CPA6: variants seen among roughly 807,000 people sequenced by gnomAD.
The protein encoded by CPA6 is carboxypeptidase B.
Under a neutral mutation model 63.3 loss-of-function variants are expected in CPA6, and 58 were observed. The observed-to-expected ratio is 0.92, with a 90% CI of 0.74 to 1.14. CPA6 has a LOEUF of 1.14. CPA6 is among the 50% of genes most tolerant of loss of function. The pLI, the probability that CPA6 is intolerant of heterozygous loss-of-function variation, is 0.00. For synonymous variants in CPA6, 185 were observed against 179.0 expected (o/e 1.03, Z -0.27); for missense variants, 565 against 526.6 (o/e 1.07, Z -0.71).
Position 67,509,925 on chromosome 8 carries a change from T to C in CPA6, c.433-307A>G, listed in dbSNP as rs1563981020. 3.9e-5 allele frequency among the ~76,000 whole-genome samples: 6 copies of C among 152,212 alleles called. No homozygotes were observed. The South Asian group carries it at 1.0e-3, about 26-fold the overall frequency. ...ATTTTTATAAAAAATTGATGTGTTC[T>C]AGTTTTTTTGAAAATCAGAATTTAT... On this transcript the variant is annotated intron_variant, in intron 4 of 10. Coordinates refer to ENST00000297770, the MANE Select transcript of CPA6 (RefSeq NM_020361.5).
At chr8:67,607,526 C>A (rs1383851712) in intron 2 of CPA6, among the ~76,000 whole-genome samples, 1 of 151,870 alleles carries the variant, frequency 6.6e-6, no homozygotes, top group East Asian at 1.9e-4. Context: ...TTTCAGACCC[C>A]AGATTCCTTT....
intron 1 of CPA6, among the ~76,000 whole-genome samples, chr8:67,668,750 G>A (rs1227781925): frequency 6.6e-6 from 1 of 152,092 alleles, no homozygotes; most frequent in African/African-American, 2.4e-5. Flanking sequence ...CTATGTATTA[G>A]GTATGCAAAA....
intron 8 of CPA6, among the ~76,000 whole-genome samples, chr8:67,466,749 C>T (rs61577215): frequency 0.032 from 4,833 of 152,188 alleles, 237 homozygotes; most frequent in African/African-American, 0.11. Flanking sequence ...TGGTTAATTT[C>T]CATGTGACTG....
intron 1 of CPA6, among the ~76,000 whole-genome samples, chr8:67,630,960 G>A (rs1430909632): frequency 6.6e-6 from 1 of 152,210 alleles, no homozygotes; most frequent in African/African-American, 2.4e-5. Flanking sequence ...CTGCCTCCCC[G>A]AGGGGCAGGG....
intron 3 of CPA6, among the ~76,000 whole-genome samples, chr8:67,512,914 G>A (rs925546469): frequency 6.6e-6 from 1 of 152,082 alleles, no homozygotes; most frequent in Non-Finnish European, 1.5e-5. Flanking sequence ...TCCATTCTAT[G>A]AAGAAAGTAA....
chr8:67,688,644 A>G (rs915970400), intron 1 of CPA6, among the ~76,000 whole-genome samples: 12 of 152,174 alleles, frequency 7.9e-5, no homozygotes, highest in Non-Finnish European at 1.6e-4. Context: ...GAATGCCCCA[A>G]TCTTAAAGTT....
intron 5 of CPA6, among the ~76,000 whole-genome samples, chr8:67,507,522 C>G (rs1405589527): frequency 6.6e-6 from 1 of 152,008 alleles, no homozygotes; most frequent in African/African-American, 2.4e-5. Context: ...AATAGGAGAT[C>G]CTGACATTAT....
intron 8 of CPA6, among the ~76,000 whole-genome samples, chr8:67,458,157 A>G (rs371913195): frequency 1.3e-5 from 2 of 152,290 alleles, no homozygotes; most frequent in East Asian, 3.9e-4. Context: ...CATAGAAAAT[A>G]ACATAGCAGA....
intron 1 of CPA6, among the ~76,000 whole-genome samples, chr8:67,692,918 T>C (rs1266511735): frequency 6.6e-6 from 1 of 152,188 alleles, no homozygotes; most frequent in Non-Finnish European, 1.5e-5. Flanking sequence ...CTACGAGTCA[T>C]ACCCATTAGC....
chr8:67,592,424 C>T (rs1278308879), intron 2 of CPA6, among the ~76,000 whole-genome samples: 2 of 151,996 alleles, frequency 1.3e-5, no homozygotes, highest in Non-Finnish European at 2.9e-5. Flanking sequence ...GGAGGATTCC[C>T]TCTTTTTCTA....
chr8:67,594,675 C>T (rs371108274), intron 2 of CPA6, among the ~76,000 whole-genome samples: 3,458 of 152,306 alleles, frequency 0.023, 67 homozygotes, highest in African/African-American at 0.052. Flanking sequence ...ATCGCATTGG[C>T]TCCTGAGGCT....
intron 1 of CPA6, among the ~76,000 whole-genome samples, chr8:67,680,804 A>C (rs1816574793): frequency 6.6e-6 from 1 of 152,150 alleles, no homozygotes; most frequent in South Asian, 2.1e-4. Context: ...CAGTTACCCA[A>C]AGTCCAAAGC....
At chr8:67,697,403 C>A (rs1053981623) in intron 1 of CPA6, among the ~76,000 whole-genome samples, 1 of 152,166 alleles carries the variant, frequency 6.6e-6, no homozygotes, top group African/African-American at 2.4e-5. Context: ...CTTTCCCACT[C>A]AATAGTCATA....
intron 8 of CPA6, among the ~76,000 whole-genome samples, chr8:67,435,663 CCTGT>C (rs1211938124): frequency 6.6e-6 from 1 of 151,582 alleles, no homozygotes; most frequent in African/African-American, 2.4e-5. Context: ...TGTCTGTCTG[CCTGT>C]CTCTCTCCTC....
intron 8 of CPA6, among the ~76,000 whole-genome samples, chr8:67,474,950 C>T (rs1811141653): frequency 6.6e-6 from 1 of 152,130 alleles, no homozygotes; most frequent in South Asian, 2.1e-4. Context: ...GCCATGATTA[C>T]ACCACTGCAC....
rs1195620414 is a variant in CPA6 at position 67,475,767 on chromosome 8, C to CTT, written c.838+8000_838+8001insAA. Among the ~76,000 whole-genome samples, 200 of 71,700 alleles carry CTT rather than the reference C, an allele frequency of 2.8e-3. 4 individuals carry two copies. Among genetic ancestry groups the CTT allele is most frequent in the Admixed American group, 4.7e-3 (29 of 6,154 alleles). 47.0% of individuals were successfully genotyped at this position (71,700 alleles called of 152,430 possible). ...TCCTTCTTTCTTTTTTTCTTTCTTT[C>CTT]TCTTTCTTTCTTTCTTTCTTTCTTT... On this transcript the variant is annotated intron_variant, in intron 8 of 10. Coordinates refer to ENST00000297770, the MANE Select transcript of CPA6 (RefSeq NM_020361.5).
At chr8:67,501,983 C>T (rs971798506) in intron 6 of CPA6, among the ~76,000 whole-genome samples, 2 of 152,190 alleles carry the variant, frequency 1.3e-5, no homozygotes, top group African/African-American at 4.8e-5. Context: ...TGTTGTTCAA[C>T]TAATTGGTTC....
intron 8 of CPA6, among the ~76,000 whole-genome samples, chr8:67,441,290 CCTGA>C (rs1437684972): frequency 1.1e-4 from 16 of 152,160 alleles, no homozygotes; most frequent in Non-Finnish European, 1.3e-4. Flanking sequence ...TTAAAGAATG[CCTGA>C]CTATTAGAAA....
intron 8 of CPA6, among the ~76,000 whole-genome samples, chr8:67,455,212 G>C (rs565802810): frequency 5.5e-4 from 83 of 152,272 alleles, no homozygotes; most frequent in African/African-American, 1.9e-3. Context: ...TAAAAATCAT[G>C]AGGCTGTGCT....
Sources: gnomAD v4.1 joint callset for allele counts (sites outside exome capture counted in the v4.1 genomes callset) on GRCh38, gnomAD v4.1.1 for gene constraint, MANE v1.5 for transcripts, NCBI Gene and HGNC (gene_info 2026-07-23, HGNC 2026-07-21) for gene names.